The following PPARA variants were observed in gnomAD, a reference collection of about 807,000 sequenced individuals.
PPARA encodes peroxisome proliferator activated receptor alpha, also known as peroxisome proliferator-activated receptor alpha.
In PPARA, 22 loss-of-function variants were observed where a neutral mutation model predicts 42.2. The ratio of observed to expected loss-of-function variants is 0.52; its 90% CI spans 0.37 to 0.74. PPARA has a LOEUF of 0.74. PPARA is among the 30% of genes least tolerant of loss of function. The pLI is 0.00. For missense variants in PPARA, 465 were observed against 608.2 expected, an observed-to-expected ratio of 0.76 and a Z score of 2.48; for synonymous variants, 242 against 239.3, an observed-to-expected ratio of 1.01 and a Z score of -0.10.
Position 46,200,713 on chromosome 22 carries a change from C to G in PPARA, c.208+2122C>G, listed in dbSNP as rs529466136. ...GGCGGATCACCCGAGGTCAGGAGTTCAAGACCAGTCTGGCCAACATGGCAA... is the reference window on the plus strand; with the variant it reads ...GGCGGATCACCCGAGGTCAGGAGTTGAAGACCAGTCTGGCCAACATGGCAA... On this transcript the variant is annotated intron_variant, in intron 4 of 8. Transcript: ENST00000407236. The surrounding 1 kb of genome is among the most constrained non-coding windows in gnomAD (Gnocchi z 4.8). Among the ~76,000 whole-genome samples the G allele has an allele frequency of 3.7e-3, 540 of 146,206 alleles. 5 individuals are homozygous for G. The highest frequency in any genetic ancestry group is 0.013 in the African/African-American group (528 of 39,452).
rs4253753 is a variant in PPARA at position 46,218,496 on chromosome 22, C to T, written c.508+95C>T. On this transcript the variant is annotated intron_variant, in intron 6 of 8. Coordinates refer to ENST00000407236, the MANE Select transcript of PPARA (RefSeq NM_005036.6). ...GATCAAGCTATGGATGAATGTGCTT[C>T]AACATTTCACACCCAAGTCATTTTG... The T allele has an allele frequency of 4.7e-3, 7,324 of 1,562,320 alleles. 246 individuals are homozygous for T. The African/African-American group carries it at 0.082, about 17-fold the overall frequency.
In PPARA at chr22:46,154,078, A is replaced by G. The variant is rs186469913; in HGVS notation, c.-127+2108A>G. 8.4e-3 allele frequency among the ~76,000 whole-genome samples: 1,287 copies of G among 152,348 alleles called. 11 individuals are homozygous for G. Among genetic ancestry groups the G allele is most frequent in the Middle Eastern group, 0.048 (14 of 294 alleles). On this transcript the variant is annotated intron_variant, in intron 2 of 8. Coordinates refer to ENST00000407236, the MANE Select transcript of PPARA (RefSeq NM_005036.6). ...CCAATCTCTTTATGTGTATATATTTAATACAGTCATTCTATAAATATTGAC... is the reference window on the plus strand; with the variant it reads ...CCAATCTCTTTATGTGTATATATTTGATACAGTCATTCTATAAATATTGAC...
At chr22:46,205,034 ATT>A (rs879414551) in intron 4 of PPARA, among the ~76,000 whole-genome samples, 1 of 144,120 alleles carries the variant, frequency 6.9e-6, no homozygotes, top group African/African-American at 2.5e-5. Context: ...TGCTTGGCTA[ATT>A]TTTTTTTTTT....
rs543483127 is a variant in PPARA at position 46,201,121 on chromosome 22, T to A, written c.208+2530T>A. On this transcript the variant is annotated intron_variant, in intron 4 of 8. Coordinates refer to ENST00000407236, the MANE Select transcript of PPARA (RefSeq NM_005036.6). ...GCCTGGGCAACAGAGCAAGATTCCG[T>A]CTCAAAAAAAAAAAAAAAAAAAGTA... 2.7e-4 allele frequency among the ~76,000 whole-genome samples: 36 copies of A among 133,138 alleles called. No homozygotes were observed. In the South Asian group the frequency reaches 8.0e-3, roughly 30 times the overall value. 87.3% of individuals were successfully genotyped at this position (133,138 alleles called of 152,430 possible).
intron 2 of PPARA, among the ~76,000 whole-genome samples, chr22:46,153,413 C>T (rs1188260517): frequency 6.6e-5 from 10 of 152,040 alleles, no homozygotes; most frequent in African/African-American, 2.4e-4. Context: ...AGGTGAACCG[C>T]CTGCCTTGGC....
At chr22:46,207,668 A>T (rs1296010224) in intron 4 of PPARA, among the ~76,000 whole-genome samples, 184 of 79,616 alleles carry the variant, frequency 2.3e-3, no homozygotes, top group African/African-American at 8.1e-3. Flanking sequence ...TATTATTATT[A>T]TTATTATTAT....
Position 46,241,930 on chromosome 22 carries a change from A to AAG in PPARA, c.*6556_*6557dup, listed in dbSNP as rs901427736. On this transcript the variant is annotated 3_prime_UTR_variant, in exon 9 of 9. Coordinates refer to ENST00000407236, the MANE Select transcript of PPARA (RefSeq NM_005036.6). This position sits in a 1 kb window ranked among gnomAD's most constrained non-coding sequence, Gnocchi z 5.7. Reference sequence around the variant, plus strand: ...GATTATTTGAAAAAAAAAAAAAAAAAAGAGAGAAAAAATAATTGATTTTTA... The same window carrying AAG: ...GATTATTTGAAAAAAAAAAAAAAAAAAGAGAGAGAAAAAATAATTGATTTTTA... The AAG allele has an allele frequency of 1.3e-5, 2 of 151,114 alleles. No homozygotes were observed. The highest frequency in any genetic ancestry group is 2.1e-4 in the South Asian group (1 of 4,816). 9.4% of individuals were successfully genotyped at this position (151,114 alleles called of 1,614,324 possible). A position where few individuals can be genotyped will look rare whatever the true frequency, so the allele number is the denominator to read the frequency against.
intron 2 of PPARA, chr22:46,164,953 G>A (rs1310143730): frequency 3.3e-5 from 5 of 152,208 alleles, no homozygotes; most frequent in East Asian, 3.8e-4. Flanking sequence ...ATTTCAAAAC[G>A]TAGGGCTGAT....
At position 46,230,371 on chromosome 22, in the gene PPARA, C is replaced by CAA. The variant is rs148446078; in HGVS notation, c.712-1412_712-1411dup. Among the ~76,000 whole-genome samples, 14,525 of 149,118 alleles carry CAA rather than the reference C, an allele frequency of 0.097. 984 individuals carry two copies. The highest frequency in any genetic ancestry group is 0.19 in the African/African-American group (7,906 of 40,906). On this transcript the variant is annotated intron_variant, in intron 7 of 8. Coordinates refer to ENST00000407236, the MANE Select transcript of PPARA (RefSeq NM_005036.6). The surrounding 1 kb of genome is among the most constrained non-coding windows in gnomAD (Gnocchi z 5.0). The stretch of plus-strand genomic sequence containing the variant: ...GGGCAACAAGAGCAAAACTCTGTCT[C>CAA]AAAAAAAAAAGAAATAACACCTTAG...
chr22:46,207,419 T>C (rs8139926), intron 4 of PPARA, among the ~76,000 whole-genome samples: 15,143 of 148,964 alleles, frequency 0.1, 2,431 homozygotes, highest in African/African-American at 0.34. Flanking sequence ...GTAGCTGAGA[T>C]TACAGGCACC....
chr22:46,198,655 TCTC>T (rs1569219441), intron 4 of PPARA, 64 bp downstream of exon 4: 28 of 1,202,304 alleles, frequency 2.3e-5, no homozygotes, highest in South Asian at 6.6e-5. Flanking sequence ...AAAACTGTTC[TCTC>T]TTTTTTTTTT....
intron 5 of PPARA, 110 bp downstream of exon 5, chr22:46,215,443 G>A (rs878883948): frequency 3.4e-6 from 5 of 1,457,026 alleles, no homozygotes; most frequent in East Asian, 4.7e-5. Context: ...TCCCGGATAA[G>A]AAACTGACTT....
chr22:46,228,484 C>T (rs188820944), intron 7 of PPARA, among the ~76,000 whole-genome samples: 1 of 152,048 alleles, frequency 6.6e-6, no homozygotes, highest in Non-Finnish European at 1.5e-5. Context: ...TGCAGTGAGT[C>T]GAGATCACGC....
Position 46,183,907 on chromosome 22 carries a change from G to A in PPARA, c.-43+7071G>A, listed in dbSNP as rs1930310755. On this transcript the variant is annotated intron_variant, in intron 3 of 8. Coordinates refer to ENST00000407236, the MANE Select transcript of PPARA (RefSeq NM_005036.6). This position sits in a 1 kb window ranked among gnomAD's most constrained non-coding sequence, Gnocchi z 5.5. ...AGCAGAAACTAGAGGCTTGCTGCCT[G>A]AGGTCAAACCCCGGTCCCGGTGGTT... Among the ~76,000 whole-genome samples, 1 of 152,154 alleles carries A rather than the reference G, an allele frequency of 6.6e-6. No individual in the cohort carries two copies. The highest frequency in any genetic ancestry group is 1.5e-5 in the Non-Finnish European group (1 of 68,026).
rs555116296 is a variant in PPARA at position 46,192,719 on chromosome 22, G to A, written c.-42-5623G>A. On this transcript the variant is annotated intron_variant, in intron 3 of 8. Transcript: ENST00000407236. This position sits in a 1 kb window ranked among gnomAD's most constrained non-coding sequence, Gnocchi z 4.3. ...TGTTTACAATAGCTAAGATTTGGAA[G>A]CAACCTAAGTGTCCATCACCAGACA... is the stretch of plus-strand genomic sequence containing the variant. Among the ~76,000 whole-genome samples, 4 of 152,286 alleles carry A rather than the reference G, an allele frequency of 2.6e-5. No homozygotes were observed. The highest frequency in any genetic ancestry group is 2.6e-4 in the Admixed American group (4 of 15,284).
rs1783463715 is a variant in PPARA, at chr22:46,190,660, G to A, written c.-42-7682G>A. ...AACCACTTGGGAGCCTGAGGTGAGA[G>A]GATCACCTGGGCCCGGGAGATCAAG... On this transcript the variant is annotated intron_variant, in intron 3 of 8. Transcript: ENST00000407236. The surrounding 1 kb of genome is among the most constrained non-coding windows in gnomAD (Gnocchi z 5.6). Among the ~76,000 whole-genome samples the A allele has an allele frequency of 6.6e-6, 1 of 152,162 alleles. No homozygotes were observed. Among genetic ancestry groups the A allele is most frequent in the Non-Finnish European group, 1.5e-5 (1 of 68,042 alleles).
Position 46,212,579 on chromosome 22 carries a change from C to A in PPARA, c.209-2594C>A, listed in dbSNP as rs1165829526. Among the ~76,000 whole-genome samples, 1 of 152,218 alleles carries A rather than the reference C, an allele frequency of 6.6e-6. No individual in the cohort carries two copies. Among genetic ancestry groups the A allele is most frequent in the Non-Finnish European group, 1.5e-5 (1 of 68,044 alleles). ...ATATGCATTTAAGAGTCATCCATGT[C>A]TTTCCATGGCTTGATATCTCATTTC... On this transcript the variant is annotated intron_variant, in intron 4 of 8. Coordinates refer to ENST00000407236, the MANE Select transcript of PPARA (RefSeq NM_005036.6). The surrounding 1 kb of genome is among the most constrained non-coding windows in gnomAD (Gnocchi z 4.2).
intron 3 of PPARA, among the ~76,000 whole-genome samples, chr22:46,185,916 AATATAT>A (rs59733161): frequency 1.6e-3 from 41 of 25,294 alleles, no homozygotes; most frequent in East Asian, 4.6e-3. Flanking sequence ...AAAAAAAAAA[AATATAT>A]ATATATATAT....
intron 2 of PPARA, among the ~76,000 whole-genome samples, chr22:46,166,143 A>G (rs140805153): frequency 5.8e-4 from 89 of 152,292 alleles, no homozygotes; most frequent in African/African-American, 2.0e-3. Context: ...CCAGCCTACA[A>G]ATCACAGTAT....
Sources: allele counts gnomAD v4.1 joint callset (sites outside exome capture counted in the v4.1 genomes callset), GRCh38; gene constraint gnomAD v4.1.1; non-coding constraint Gnocchi (gnomAD v3.1); transcripts MANE v1.5; gene names NCBI Gene and HGNC (gene_info 2026-07-23, HGNC 2026-07-21).